The following HNRNPL variants were observed in gnomAD, a reference collection of about 807,000 sequenced individuals.
The protein encoded by HNRNPL is epididymis secretory sperm binding protein.
HNRNPL carries 12 observed loss-of-function variants against 64.0 expected under a neutral mutation model. The observed-to-expected ratio is 0.19, with a 90% CI of 0.12 to 0.30. The LOEUF (loss-of-function observed/expected upper bound fraction) is 0.30. HNRNPL is among the 10% of genes least tolerant of loss of function. HNRNPL has a pLI of 1.00. For synonymous variants in HNRNPL, 385 were observed against 313.0 expected (o/e 1.23, Z -2.43); for missense variants, 484 against 797.4 (o/e 0.61, Z 4.73).
chr19:38,839,205 T>G (rs1286991415), intron 8 of HNRNPL, 190 bp from the exon 9 acceptor site: 1 of 616,574 alleles, frequency 1.6e-6, no homozygotes, highest in East Asian at 2.9e-5. Context: ...GCCTGGGCCA[T>G]GTTTTTAACT....
rs1043573632 is a variant in HNRNPL, at chr19:38,837,081, A to G, written c.1712-301T>C. On this transcript the variant is annotated intron_variant, in intron 12 of 12. Coordinates refer to ENST00000221419, the MANE Select transcript of HNRNPL (RefSeq NM_001533.3). ...TGCTGGATAGTGTTGCCTCTTTCCT[A>G]GGTAACAGAGTGGCTTTCCTACCTA... The G allele has an allele frequency of 7.3e-6, 4 of 547,552 alleles. No homozygotes were observed. In the African/African-American group the frequency reaches 7.5e-5, roughly 10 times the overall value. The allele number at this position is 547,552 out of a possible 1,614,324, so 33.9% of individuals were successfully genotyped here. A position where few individuals can be genotyped will look rare whatever the true frequency, so the allele number is the denominator to read the frequency against.
intron 1 of HNRNPL, chr19:38,849,392 A>G: frequency 3.2e-6 from 1 of 316,360 alleles, no homozygotes; most frequent in Non-Finnish European, 5.8e-6. Context: ...TAAAGGGGAA[A>G]AAAACCGGCC....
At position 38,838,618 on chromosome 19, in the gene HNRNPL, G is replaced by C. The variant is rs370547501; in HGVS notation, c.1356-20C>G. ...GAGACACTGCAGCAAGGAAGAAAGG[G>C]GAGCCTTTGTCATACCCAAAGTTGT... is the stretch of plus-strand genomic sequence containing the variant. On this transcript the variant is annotated intron_variant, in intron 9 of 12. Transcript: ENST00000221419. 5.5e-5 allele frequency: 89 copies of C among 1,609,204 alleles called. No homozygotes were observed. In the Middle Eastern group the frequency reaches 6.6e-4, roughly 12 times the overall value.
At chr19:38,840,054 C>T (rs375684804) in intron 8 of HNRNPL, 42 bp downstream of exon 8, 31 of 1,600,456 alleles carry the variant, frequency 1.9e-5, no homozygotes, top group East Asian at 4.5e-5. Context: ...TGGCAAGATA[C>T]GAGGCTCAGC....
intron 1 of HNRNPL, chr19:38,849,388 G>T (rs368740082): frequency 9.3e-6 from 3 of 321,514 alleles, no homozygotes; most frequent in East Asian, 4.8e-5. Context: ...ATGATAAAGG[G>T]GAAAAAAACC....
At position 38,841,435 on chromosome 19, in the gene HNRNPL, A is replaced by G. The variant is rs567210736; in HGVS notation, c.881-876T>C. On this transcript the variant is annotated intron_variant, in intron 6 of 12. Coordinates refer to ENST00000221419, the MANE Select transcript of HNRNPL (RefSeq NM_001533.3). ...CACAAAGCAAGACAGTGGCTGAGCCATATTTGAACCCAGGTCTGGCTGACT... is the reference window on the plus strand; with the variant it reads ...CACAAAGCAAGACAGTGGCTGAGCCGTATTTGAACCCAGGTCTGGCTGACT... 4.8e-5 allele frequency: 18 copies of G among 376,374 alleles called. No homozygotes were observed. In the East Asian group the frequency reaches 1.2e-3, roughly 26 times the overall value. 23.3% of individuals were successfully genotyped at this position (376,374 alleles called of 1,614,324 possible). A position where few individuals can be genotyped will look rare whatever the true frequency, so the allele number is the denominator to read the frequency against.
At chr19:38,837,177 CAG>C (rs1462264620) in intron 12 of HNRNPL, 2 of 592,692 alleles carry the variant, frequency 3.4e-6, no homozygotes, top group Admixed American at 3.0e-5. Context: ...CCCAAGCTGG[CAG>C]AGTGAGTGGC....
At chr19:38,841,988 G>A (rs1972131427) in intron 6 of HNRNPL, 1 of 279,442 alleles carries the variant, frequency 3.6e-6, no homozygotes, top group African/African-American at 2.2e-5. Context: ...TCGCGCTTTT[G>A]GCCTTGGGAG....
rs35433653 is a variant in HNRNPL at position 38,836,598 on chromosome 19, TAAAAA to T, written c.*119_*123del. ...AGTAAGCCTCTACAAACCTAGCATT[TAAAAA>T]AAAAAAAAAAAAAAAAAAAAAGGAA... On this transcript the variant is annotated 3_prime_UTR_variant, in exon 13 of 13. Coordinates refer to ENST00000221419, the MANE Select transcript of HNRNPL (RefSeq NM_001533.3). The T allele has an allele frequency of 0.017, 2,361 of 136,046 alleles. 1 individual carries two copies. Among genetic ancestry groups the T allele is most frequent in the Middle Eastern group, 0.049 (17 of 350 alleles). 8.4% of individuals were successfully genotyped at this position (136,046 alleles called of 1,614,324 possible). A position where few individuals can be genotyped will look rare whatever the true frequency, so the allele number is the denominator to read the frequency against.
chr19:38,837,510 T>A, intron 11 of HNRNPL, 31 bp from the exon 12 acceptor site: 1 of 1,612,658 alleles, frequency 6.2e-7, no homozygotes, highest in Non-Finnish European at 8.5e-7. Flanking sequence ...AAAGTAAAGG[T>A]TTTAGACTCA....
chr19:38,840,058 G>C, intron 8 of HNRNPL, 38 bp downstream of exon 8: 2 of 1,605,602 alleles, frequency 1.2e-6, no homozygotes, highest in Non-Finnish European at 1.7e-6. Flanking sequence ...AAGATACGAG[G>C]CTCAGCGAGG....
chr19:38,848,356 G>C (rs1387095952), intron 1 of HNRNPL, among the ~76,000 whole-genome samples: 1 of 152,184 alleles, frequency 6.6e-6, no homozygotes, highest in Non-Finnish European at 1.5e-5. Context: ...GCCTCCCAAA[G>C]TGCTGGGATT....
upstream of HNRNPL, among the ~76,000 whole-genome samples, chr19:38,852,055 CCGCCCCCGCGGCCGGCCCGGACGCCCCT>C (rs1273126428): frequency 6.6e-6 from 1 of 150,964 alleles, no homozygotes; most frequent in African/African-American, 2.4e-5. Context: ...CCTCCCCTCC[CCGCCCCCGCGGCCGGCCCGGACGCCCCT>C]CGCGCCGGCG....
rs1351035112 is a variant in HNRNPL, at chr19:38,839,174, C to T, written c.1234-159G>A. On this transcript the variant is annotated intron_variant, in intron 8 of 12. Coordinates refer to ENST00000221419, the MANE Select transcript of HNRNPL (RefSeq NM_001533.3). Reference sequence around the variant, plus strand: ...ACATGCCTGGCCCACACCAAGTGCTCAACCCATAGTGAGAAGCAGAGCCTG... The same window carrying T: ...ACATGCCTGGCCCACACCAAGTGCTTAACCCATAGTGAGAAGCAGAGCCTG... 15 of 828,330 alleles carry T rather than the reference C, an allele frequency of 1.8e-5. No homozygotes were observed. The Admixed American group carries it at 3.0e-4, about 17-fold the overall frequency. 51.3% of individuals were successfully genotyped at this position (828,330 alleles called of 1,614,324 possible). A position where few individuals can be genotyped will look rare whatever the true frequency, so the allele number is the denominator to read the frequency against.
chr19:38,836,699 T>A lies in HNRNPL; in HGVS notation c.*23A>T. 6.4e-7 allele frequency: 1 copy of A among 1,557,812 alleles called. No individual in the cohort carries two copies. The highest frequency in any genetic ancestry group is 1.2e-5 in the South Asian group (1 of 86,840). Reference sequence around the variant, plus strand: ...AAAGAGAAATGTCTTCCTGCTCAGATGGGACTCTTCCTAGGCACCTAATTA... The same window carrying A: ...AAAGAGAAATGTCTTCCTGCTCAGAAGGGACTCTTCCTAGGCACCTAATTA... On this transcript the variant is annotated 3_prime_UTR_variant, in exon 13 of 13. Coordinates refer to ENST00000221419, the MANE Select transcript of HNRNPL (RefSeq NM_001533.3).
At chr19:38,841,074 C>T (rs1972102072) in intron 6 of HNRNPL, 1 of 191,620 alleles carries the variant, frequency 5.2e-6, no homozygotes, top group South Asian at 9.0e-5. Flanking sequence ...TCCCCCCTCC[C>T]TCCCAGTCCC....
At position 38,836,668 on chromosome 19, in the gene HNRNPL, TAAAGG is replaced by T; in HGVS notation, c.*49_*53del. 13 of 919,420 alleles carry T rather than the reference TAAAGG, an allele frequency of 1.4e-5. No individual in the cohort carries two copies. Among genetic ancestry groups the T allele is most frequent in the Non-Finnish European group, 2.0e-5 (13 of 639,672 alleles). The allele number at this position is 919,420 out of a possible 1,614,324, so 57.0% of individuals were successfully genotyped here. A position where few individuals can be genotyped will look rare whatever the true frequency, so the allele number is the denominator to read the frequency against. On this transcript the variant is annotated 3_prime_UTR_variant, in exon 13 of 13. Transcript: ENST00000221419. ...CAAATAACAAAAACAAAAAATGGCATAAAGGAAAGAGAAATGTCTTCCTGCTCAGA... is the reference window on the plus strand; with the variant it reads ...CAAATAACAAAAACAAAAAATGGCATAAAGAGAAATGTCTTCCTGCTCAGA...
At position 38,840,272 on chromosome 19, in the gene HNRNPL, G is replaced by A. The variant is rs779526809; in HGVS notation, c.1057C>T (p.Arg353Cys). ...GGGCCGTAGCGACTTGGGCCCCGACGGTGACCCCCCACTGGTGGACCCATC... is the reference window on the plus strand; with the variant it reads ...GGGCCGTAGCGACTTGGGCCCCGACAGTGACCCCCCACTGGTGGACCCATC... ...RRMGPPVGGH[R>C]RGPSRYGPQY... Residue 353 changes from arginine (R) to cysteine (C), a missense_variant, in exon 8 of 13, where the codon CGT (arginine) becomes TGT (cysteine). By Grantham distance (180) the Arg-to-Cys change is radical. Transcript: ENST00000221419. 6 of 1,579,734 alleles carry A rather than the reference G, an allele frequency of 3.8e-6. No homozygotes were observed. Among genetic ancestry groups the A allele is most frequent in the African/African-American group, 1.3e-5 (1 of 74,480 alleles).
Position 38,840,661 on chromosome 19 carries a change from G to A in HNRNPL, c.881-102C>T. ...TCTGAGCCCCCAGCTCCTGCCAACT[G>A]CAAGCCCTCCCTTCCTCGAGGGCTG... is the stretch of plus-strand genomic sequence containing the variant. On this transcript the variant is annotated intron_variant, in intron 6 of 12. Coordinates refer to ENST00000221419, the MANE Select transcript of HNRNPL (RefSeq NM_001533.3). 3.4e-6 allele frequency: 3 copies of A among 885,910 alleles called. No homozygotes were observed. In the South Asian group the frequency reaches 4.5e-5, roughly 13 times the overall value. 54.9% of individuals were successfully genotyped at this position (885,910 alleles called of 1,614,324 possible). A position where few individuals can be genotyped will look rare whatever the true frequency, so the allele number is the denominator to read the frequency against.
Sources: gnomAD v4.1 joint callset for allele counts (sites outside exome capture counted in the v4.1 genomes callset) on GRCh38, gnomAD v4.1.1 for gene constraint, MANE v1.5 for transcripts, NCBI Gene and HGNC (gene_info 2026-07-23, HGNC 2026-07-21) for gene names.